The following SDR16C5 variants were observed in gnomAD, a reference collection of about 807,000 sequenced individuals.
The protein encoded by SDR16C5 is short chain dehydrogenase/reductase family 16C member 5.
SDR16C5 carries 20 observed loss-of-function variants against 27.7 expected under a neutral mutation model. The ratio of observed to expected loss-of-function variants is 0.72; its 90% CI spans 0.51 to 1.05. The LOEUF is 1.05. SDR16C5 is among the 50% of genes least tolerant of loss of function. The pLI is 0.00. For synonymous variants in SDR16C5, 139 were observed against 132.3 expected (o/e 1.05, Z -0.35); for missense variants, 374 against 366.3 (o/e 1.02, Z -0.17).
At chr8:56,305,812 T>C in intron 5 of SDR16C5, 90 bp from the exon 6 acceptor site, 1 of 1,309,868 alleles carries the variant, frequency 7.6e-7, no homozygotes, top group East Asian at 2.5e-5. Flanking sequence ...TAAAAGGTTT[T>C]AAGACGTTAT....
At chr8:56,319,436 TG>T (rs1815277982) in intron 1 of SDR16C5, among the ~76,000 whole-genome samples, 2 of 152,134 alleles carry the variant, frequency 1.3e-5, no homozygotes, top group Non-Finnish European at 2.9e-5. Flanking sequence ...CAAACAAGAG[TG>T]AATGTACGGT....
At chr8:56,314,527 G>T (rs1394835646) in intron 2 of SDR16C5, among the ~76,000 whole-genome samples, 2 of 152,298 alleles carry the variant, frequency 1.3e-5, no homozygotes, top group African/African-American at 2.4e-5. Context: ...ATTGCTTAAG[G>T]CTGGCCAGAT....
chr8:56,300,851 C>CCGGTAAGG lies in SDR16C5; in HGVS notation c.*621_*628dup, dbSNP rs1419883052. 1 of 152,234 alleles carries CCGGTAAGG rather than the reference C, an allele frequency of 6.6e-6. No individual in the cohort carries two copies. Among genetic ancestry groups the CCGGTAAGG allele is most frequent in the African/African-American group, 2.4e-5 (1 of 41,432 alleles). 9.4% of individuals were successfully genotyped at this position (152,234 alleles called of 1,614,324 possible). A position where few individuals can be genotyped will look rare whatever the true frequency, so the allele number is the denominator to read the frequency against. Reference sequence around the variant, plus strand: ...CCTATGAGGGGGCTTCAGGGAATGCCCGGTAAGGCTCTTGGGCACAATAGT... The same window carrying CCGGTAAGG: ...CCTATGAGGGGGCTTCAGGGAATGCCCGGTAAGGCGGTAAGGCTCTTGGGCACAATAGT... On this transcript the variant is annotated 3_prime_UTR_variant, in exon 7 of 7. Transcript: ENST00000303749.
intron 1 of SDR16C5, among the ~76,000 whole-genome samples, chr8:56,319,193 G>A (rs1358695060): frequency 6.6e-6 from 1 of 151,344 alleles, no homozygotes; most frequent in East Asian, 1.9e-4. Context: ...TGGGGAGGGG[G>A]TGCAAGAGGA....
intron 6 of SDR16C5, among the ~76,000 whole-genome samples, chr8:56,301,977 C>A (rs1256087787): frequency 2.6e-5 from 4 of 152,192 alleles, no homozygotes; most frequent in Non-Finnish European, 5.9e-5. Context: ...TCAGTTTCCT[C>A]AACTGTAAAA....
intron 1 of SDR16C5, among the ~76,000 whole-genome samples, 155 bp from the exon 2 acceptor site, chr8:56,316,516 G>A (rs567574150): frequency 1.3e-5 from 2 of 152,196 alleles, no homozygotes; most frequent in Admixed American, 6.5e-5. Flanking sequence ...CAGAAAGTGG[G>A]AGGAGGAAGC....
chr8:56,302,190 A>C (rs1309504838), intron 6 of SDR16C5, among the ~76,000 whole-genome samples: 1 of 152,214 alleles, frequency 6.6e-6, no homozygotes, highest in Non-Finnish European at 1.5e-5. Context: ...GAGCAAGGAA[A>C]CAAAGCAGGC....
chr8:56,302,532 G>A (rs1354904641), intron 6 of SDR16C5, among the ~76,000 whole-genome samples: 1 of 151,578 alleles, frequency 6.6e-6, no homozygotes, highest in Admixed American at 6.6e-5. Context: ...AATTAGCCAG[G>A]TGTGGTGGTG....
chr8:56,316,131 T>C lies in SDR16C5; in HGVS notation c.217A>G (p.Asn73Asp), dbSNP rs776095327. 1 of 1,613,952 alleles carries C rather than the reference T, an allele frequency of 6.2e-7. No homozygotes were observed. The highest frequency in any genetic ancestry group is 1.3e-5 in the African/African-American group (1 of 74,906). ...CATGTTTCCTCATTCCCCTCCTTAT[T>C]GATATCCCAGAGAACAAGAACAGAT... is the stretch of plus-strand genomic sequence containing the variant. ...LGSVLVLWDI[N>D]KEGNEETCKM... is the part of the protein sequence containing the mutation. The change falls in exon 2 of 7, where the codon AAT becomes GAT. Residue 73 changes from asparagine (N) to aspartate (D), a missense_variant. By Grantham distance (23) the Asn-to-Asp change is conservative. Transcript: ENST00000303749.
At chr8:56,310,729 AAG>A (rs1400288734) in intron 3 of SDR16C5, among the ~76,000 whole-genome samples, 3,723 of 37,704 alleles carry the variant, frequency 0.099, 90 homozygotes, top group Admixed American at 0.15. Flanking sequence ...AAAAAAAAAA[AAG>A]AAAAAGAACA....
chr8:56,303,904 A>G (rs913287453), intron 6 of SDR16C5: 4 of 699,280 alleles, frequency 5.7e-6, no homozygotes, highest in African/African-American at 1.7e-5. Context: ...TACGACAAAC[A>G]TTGTCTCTAC....
rs1815060876 is a variant in SDR16C5 at position 56,312,223 on chromosome 8, C to T, written c.399G>A (p.Lys133=). The T allele has an allele frequency of 1.9e-6, 3 of 1,612,776 alleles. No individual in the cohort carries two copies. The African/African-American group carries it at 4.0e-5, about 22-fold the overall frequency. Residue 133 remains lysine, a synonymous_variant, in exon 3 of 7, where the codon AAG becomes AAA. Transcript: ENST00000303749. The part of the protein sequence containing the change: ...INNAGIVTGK[K]FLDCPDELME... ...TAAGCTCATCTGGACAGTCAAGGAA[C>T]TTTTTGCCTGTTACGATTCCGGCAT...
At chr8:56,301,713 C>CTGAGGCGGGTA in intron 6 of SDR16C5, 140 bp from the exon 7 acceptor site, 1 of 628,584 alleles carries the variant, frequency 1.6e-6, no homozygotes, top group Non-Finnish European at 2.8e-6. Flanking sequence ...GAGTGCTACC[C>CTGAGGCGGGTA]GCCTCAGGGT....
intron 6 of SDR16C5, chr8:56,304,213 G>C (rs1224342026): frequency 1.7e-6 from 1 of 596,752 alleles, no homozygotes; most frequent in East Asian, 2.8e-5. Context: ...TGGAAGTGAG[G>C]TATAATATCT....
chr8:56,319,888 G>A (rs1226903810), intron 1 of SDR16C5, among the ~76,000 whole-genome samples, 171 bp downstream of exon 1: 1 of 152,172 alleles, frequency 6.6e-6, no homozygotes, highest in South Asian at 2.1e-4. Context: ...GCTACCCGGT[G>A]CAGCTGCTTT....
At chr8:56,319,687 C>G (rs1815284859) in intron 1 of SDR16C5, among the ~76,000 whole-genome samples, 11 of 152,124 alleles carry the variant, frequency 7.2e-5, no homozygotes. Context: ...TTGATATCCA[C>G]CCGGAAGGTG....
chr8:56,317,927 C>T (rs1815241229), intron 1 of SDR16C5, among the ~76,000 whole-genome samples: 1 of 152,058 alleles, frequency 6.6e-6, no homozygotes, highest in Admixed American at 6.6e-5. Flanking sequence ...GCAGGTGAGC[C>T]AAGTAATCTA....
At chr8:56,317,795 T>C (rs1489226804) in intron 1 of SDR16C5, among the ~76,000 whole-genome samples, 1 of 152,176 alleles carries the variant, frequency 6.6e-6, no homozygotes, top group Non-Finnish European at 1.5e-5. Flanking sequence ...TCAGGGTCCC[T>C]GTGCTGGTTA....
rs778207105 is a variant in SDR16C5, at chr8:56,305,635, ATACAAG to A, written c.792_797del (p.Leu265_Tyr266del). 5.6e-6 allele frequency: 9 copies of A among 1,597,016 alleles called. No individual in the cohort carries two copies. The Admixed American group carries it at 9.0e-5, about 16-fold the overall frequency. ...TCATGAAGTATAACAACTTTGGCAT[ATACAAG>A]TACATTTTTTCTTGTAGAATAGCTT... On this transcript the variant is annotated inframe_deletion, in exon 6 of 7. Transcript: ENST00000303749.
Sources: gnomAD v4.1 joint callset for allele counts (sites outside exome capture counted in the v4.1 genomes callset) on GRCh38, gnomAD v4.1.1 for gene constraint, MANE v1.5 for transcripts, NCBI Gene and HGNC (gene_info 2026-07-23, HGNC 2026-07-21) for gene names.